SLC44A1: variants seen among roughly 807,000 people sequenced by gnomAD.
SLC44A1 encodes solute carrier family 44 member 1, also known as choline transporter-like protein 1.
In SLC44A1, 26 loss-of-function variants were observed where a neutral mutation model predicts 79.3. The observed-to-expected ratio is 0.33, with a 90% CI of 0.24 to 0.46. The LOEUF (loss-of-function observed/expected upper bound fraction) is 0.46. Among genes scored for constraint, SLC44A1 ranks in the 20% least tolerant of loss-of-function variants. The pLI is 1.00. For synonymous variants in SLC44A1, 263 were observed against 286.2 expected, an observed-to-expected ratio of 0.92 and a Z score of 0.82; for missense variants, 688 against 798.1, an observed-to-expected ratio of 0.86 and a Z score of 1.66.
rs115647332 is a variant in SLC44A1 at position 105,414,530 on chromosome 9, C to T, written c.1951-23751C>T. Among the ~76,000 whole-genome samples the T allele has an allele frequency of 6.1e-3, 920 of 152,036 alleles. 8 individuals are homozygous for T. Among genetic ancestry groups the T allele is most frequent in the African/African-American group, 0.021 (856 of 41,462 alleles). Reference sequence around the variant, plus strand: ...GCAATCTAATTTATCCCTTTTTTTACGACTAGAATTTTTATTTATCTTGGA... The same window carrying T: ...GCAATCTAATTTATCCCTTTTTTTATGACTAGAATTTTTATTTATCTTGGA... On this transcript the variant is annotated intron_variant, in intron 15 of 15. Coordinates refer to the SLC44A1 transcript ENST00000374724.
intron 1 of SLC44A1, among the ~76,000 whole-genome samples, chr9:105,291,711 T>A (rs927344309): frequency 3.9e-5 from 6 of 152,166 alleles, no homozygotes; most frequent in Non-Finnish European, 7.3e-5. Flanking sequence ...CTGGGAAAAG[T>A]AGCAGTGATG....
At chr9:105,285,751 G>A (rs1438142649) in intron 1 of SLC44A1, among the ~76,000 whole-genome samples, 2 of 152,158 alleles carry the variant, frequency 1.3e-5, no homozygotes, top group Admixed American at 6.5e-5. Flanking sequence ...GATCAGTTAG[G>A]GTGGGGCAGA....
chr9:105,345,992 GAAA>G (rs75269488), intron 4 of SLC44A1, among the ~76,000 whole-genome samples: 1 of 112,420 alleles, frequency 8.9e-6, no homozygotes, highest in Non-Finnish European at 1.9e-5. Context: ...TACTTTCACT[GAAA>G]AAAAAAAAAA....
chr9:105,409,969 A>G, intron 15 of SLC44A1, among the ~76,000 whole-genome samples: 1 of 152,248 alleles, frequency 6.6e-6, no homozygotes. Flanking sequence ...AACAAATCAC[A>G]GTAAATTTTA....
chr9:105,299,229 C>T lies in SLC44A1; in HGVS notation c.46C>T (p.Arg16Ter). The T allele has an allele frequency of 1.3e-6, 2 of 1,587,742 alleles. No individual in the cohort carries two copies. Among genetic ancestry groups the T allele is most frequent in the Non-Finnish European group, 1.7e-6 (2 of 1,171,032 alleles). ...TTGTATTTCCAATTAGAGCTCCAAA[C>T]GAGAATGGAAGCCGCTGGAGGACCG... ...SASSAAQSSK[R>*]EWKPLEDRSC... is the part of the protein sequence containing the mutation. The change falls in exon 2 of 16, where the codon CGA (arginine) becomes TGA (stop). Residue 16 changes from arginine to a stop codon, truncating the protein, a stop_gained. Transcript: ENST00000374720. LOFTEE classifies it high-confidence loss of function.
intron 15 of SLC44A1, among the ~76,000 whole-genome samples, chr9:105,429,501 C>G (rs1179117090): frequency 6.6e-6 from 1 of 152,114 alleles, no homozygotes; most frequent in Non-Finnish European, 1.5e-5. Context: ...CAAGGTTTTG[C>G]CATGTTGTGC....
intron 12 of SLC44A1, among the ~76,000 whole-genome samples, chr9:105,366,869 G>A (rs1471229994): frequency 6.6e-6 from 1 of 151,062 alleles, no homozygotes; most frequent in African/African-American, 2.4e-5. Flanking sequence ...GTGTAAAGCT[G>A]TTGTGACACT....
At chr9:105,323,789 G>A (rs1826475771) in intron 3 of SLC44A1, among the ~76,000 whole-genome samples, 1 of 152,062 alleles carries the variant, frequency 6.6e-6, no homozygotes, top group Admixed American at 6.5e-5. Context: ...AGGCTTTCAG[G>A]GTTCCGTTTT....
chr9:105,343,059 T>C (rs566771348), intron 4 of SLC44A1, among the ~76,000 whole-genome samples: 212 of 152,032 alleles, frequency 1.4e-3, no homozygotes, highest in African/African-American at 4.9e-3. Flanking sequence ...AGATTCTCAG[T>C]GCTAATAGTT....
chr9:105,380,358 CT>C (rs35534709), intron 13 of SLC44A1, among the ~76,000 whole-genome samples: 2,236 of 150,096 alleles, frequency 0.015, 25 homozygotes, highest in Non-Finnish European at 0.023. Context: ...ATTTTTTTTT[CT>C]TTTTTTTGAG....
At chr9:105,291,908 C>A (rs1830609094) in intron 1 of SLC44A1, among the ~76,000 whole-genome samples, 2 of 152,152 alleles carry the variant, frequency 1.3e-5, no homozygotes, top group Non-Finnish European at 1.5e-5. Flanking sequence ...GCGTAAATTT[C>A]TAAGCTTCAG....
chr9:105,399,487 AAC>A (rs542554116), downstream of SLC44A1, among the ~76,000 whole-genome samples: 1 of 150,716 alleles, frequency 6.6e-6, no homozygotes, highest in Non-Finnish European at 1.5e-5. Flanking sequence ...AAACAATTTT[AAC>A]ACACACACAC....
At chr9:105,271,544 G>C (rs1181620548) in intron 1 of SLC44A1, among the ~76,000 whole-genome samples, 1 of 152,238 alleles carries the variant, frequency 6.6e-6, no homozygotes, top group African/African-American at 2.4e-5. Flanking sequence ...TTTGGCAAAA[G>C]TGGTTTGGGA....
chr9:105,266,365 A>G (rs1171599209), intron 1 of SLC44A1, among the ~76,000 whole-genome samples: 1 of 152,200 alleles, frequency 6.6e-6, no homozygotes, highest in Non-Finnish European at 1.5e-5. Flanking sequence ...TTTTGATATC[A>G]TAGCTAGGAA....
At chr9:105,411,874 G>C (rs1829099557) in intron 15 of SLC44A1, among the ~76,000 whole-genome samples, 1 of 152,130 alleles carries the variant, frequency 6.6e-6, no homozygotes, top group South Asian at 2.1e-4. Context: ...TTGATCATTT[G>C]GCTAAGGTGG....
At chr9:105,300,047 CAT>C in intron 2 of SLC44A1, 2 of 532,998 alleles carry the variant, frequency 3.8e-6, no homozygotes, top group Non-Finnish European at 2.4e-6. Context: ...CTGGAAAAAA[CAT>C]AGAAAACTGC....
chr9:105,274,998 C>T (rs1054725773), intron 1 of SLC44A1, among the ~76,000 whole-genome samples: 13 of 152,186 alleles, frequency 8.5e-5, no homozygotes, highest in African/African-American at 2.9e-4. Context: ...TTGAAATCCA[C>T]ACATGTGGAC....
At chr9:105,294,452 T>G (rs1390660650) in intron 1 of SLC44A1, among the ~76,000 whole-genome samples, 2 of 148,124 alleles carry the variant, frequency 1.4e-5, no homozygotes, top group East Asian at 3.9e-4. Flanking sequence ...TTGGTAGTTG[T>G]TTTTTTTTTC....
At chr9:105,314,477 A>G (rs1831266659) in intron 3 of SLC44A1, among the ~76,000 whole-genome samples, 1 of 152,168 alleles carries the variant, frequency 6.6e-6, no homozygotes, top group Non-Finnish European at 1.5e-5. Context: ...TTTCTTTGTT[A>G]CTCCAAGAAG....
Sources: allele counts gnomAD v4.1 joint callset (sites outside exome capture counted in the v4.1 genomes callset), GRCh38; gene constraint gnomAD v4.1.1; transcripts MANE v1.5; gene names NCBI Gene and HGNC (gene_info 2026-07-23, HGNC 2026-07-21).